The following CCDC171 variants were observed in gnomAD, a reference collection of about 807,000 sequenced individuals.
CCDC171 encodes coiled-coil domain containing 171, also known as coiled-coil domain-containing protein 171.
In CCDC171, 177 loss-of-function variants were observed where a neutral mutation model predicts 168.2. The ratio of observed to expected loss-of-function variants is 1.05; its 90% CI spans 0.93 to 1.19. The LOEUF (loss-of-function observed/expected upper bound fraction) is 1.19, where lower values mean the gene tolerates loss of function less well. CCDC171 is among the 50% of genes most tolerant of loss of function. The pLI is 0.00. For missense variants in CCDC171, 1,991 were observed against 1,539.0 expected, an observed-to-expected ratio of 1.29 and a Z score of -4.91; for synonymous variants, 687 against 540.8, an observed-to-expected ratio of 1.27 and a Z score of -3.75.
rs375013546 is a variant in CCDC171 at position 15,714,239 on chromosome 9, A to G, written c.1319-7530A>G. Among the ~76,000 whole-genome samples, 5 of 152,138 alleles carry G rather than the reference A, an allele frequency of 3.3e-5. 1 individual carries two copies. Among genetic ancestry groups the G allele is most frequent in the African/African-American group, 2.4e-5 (1 of 41,524 alleles). On this transcript the variant is annotated intron_variant, in intron 11 of 25. Coordinates refer to ENST00000380701, the MANE Select transcript of CCDC171 (RefSeq NM_173550.4). ...TGCCAGGAGTGTGGCATTACTTTCA[A>G]TTTGTGTTTTGGTAGGTAAAAGTTC... is the stretch of plus-strand genomic sequence containing the variant.
At chr9:15,775,078 C>T (rs2057240275) in intron 18 of CCDC171, among the ~76,000 whole-genome samples, 1 of 148,414 alleles carries the variant, frequency 6.7e-6, no homozygotes, top group Non-Finnish European at 1.5e-5. Flanking sequence ...AACCAAACAC[C>T]ACCTGTTCCT....
chr9:15,787,052 A>C (rs1449355095), intron 21 of CCDC171, among the ~76,000 whole-genome samples: 1 of 152,122 alleles, frequency 6.6e-6, no homozygotes, highest in African/African-American at 2.4e-5. Flanking sequence ...GACACGCGTG[A>C]CAGTATCATC....
chr9:15,618,041 G>A (rs1053402804), intron 6 of CCDC171, among the ~76,000 whole-genome samples: 6 of 152,194 alleles, frequency 3.9e-5, no homozygotes, highest in African/African-American at 1.4e-4. Context: ...GCTGTGCTGG[G>A]AGAATCCCCC....
At chr9:16,059,726 G>GGATGGTCTCGATCGCCTGACCTCAT (rs1162192035) in intron 1 of CCDC171, among the ~76,000 whole-genome samples, 1 of 150,840 alleles carries the variant, frequency 6.6e-6, no homozygotes, top group Admixed American at 6.6e-5. Context: ...TTGTTAGCCA[G>GGATGGTCTCGATCGCCTGACCTCAT]GATGGTCTCG....
intron 21 of CCDC171, among the ~76,000 whole-genome samples, chr9:15,819,922 T>C (rs1381287937): frequency 1.7e-5 from 2 of 117,406 alleles, no homozygotes; most frequent in African/African-American, 6.4e-5. Context: ...TATTCCAAAA[T>C]TGACCACATA....
intron 24 of CCDC171, among the ~76,000 whole-genome samples, chr9:15,917,271 G>A (rs1163342213): frequency 6.6e-6 from 1 of 151,816 alleles, no homozygotes; most frequent in African/African-American, 2.4e-5. Flanking sequence ...CAGTTTTGAA[G>A]GAGACTTTTG....
At chr9:15,937,821 T>A (rs1296245974) in intron 25 of CCDC171, among the ~76,000 whole-genome samples, 1 of 151,978 alleles carries the variant, frequency 6.6e-6, no homozygotes, top group Non-Finnish European at 1.5e-5. Context: ...CTTTTTCTAC[T>A]GGGTAAACTC....
intron 21 of CCDC171, among the ~76,000 whole-genome samples, chr9:15,804,090 G>C (rs963509378): frequency 6.6e-6 from 1 of 152,136 alleles, no homozygotes; most frequent in Non-Finnish European, 1.5e-5. Flanking sequence ...TGTATCCTGA[G>C]ACTTTGCTGA....
chr9:16,044,444 T>C (rs117258259), intron 1 of CCDC171, among the ~76,000 whole-genome samples: 2,138 of 151,708 alleles, frequency 0.014, 20 homozygotes, highest in South Asian at 0.029. Context: ...TTTCTTTTAA[T>C]GGCTTGTCAA....
chr9:15,986,023 A>G (rs1333878611), intron 3 of CCDC171, among the ~76,000 whole-genome samples: 1 of 152,226 alleles, frequency 6.6e-6, no homozygotes, highest in African/African-American at 2.4e-5. Context: ...AATGATGAAC[A>G]AGAAGGCATA....
At chr9:15,974,337 G>T (rs1468124842), downstream of CCDC171, among the ~76,000 whole-genome samples, 1 of 152,160 alleles carries the variant, frequency 6.6e-6, no homozygotes, top group African/African-American at 2.4e-5. Context: ...AAGCACCTTA[G>T]TGACCAATTG....
At chr9:15,721,082 A>C (rs1197512947) in intron 11 of CCDC171, among the ~76,000 whole-genome samples, 2 of 152,226 alleles carry the variant, frequency 1.3e-5, no homozygotes, top group African/African-American at 4.8e-5. Flanking sequence ...CAACTAAATT[A>C]AAGTAGTTTG....
chr9:16,041,030 G>A (rs916800961), upstream of CCDC171, among the ~76,000 whole-genome samples: 1 of 150,904 alleles, frequency 6.6e-6, no homozygotes, highest in African/African-American at 2.5e-5. Context: ...TACTGTGTGT[G>A]TAGCTAACTC....
rs56239417 is a variant in CCDC171, at chr9:15,774,246, T to TAA, written c.2672-3324_2672-3323dup. 5.0e-3 allele frequency among the ~76,000 whole-genome samples: 189 copies of TAA among 38,020 alleles called. 1 individual carries two copies. The highest frequency in any genetic ancestry group is 0.029 in the Middle Eastern group (1 of 34). The allele number at this position is 38,020 out of a possible 152,430, so 24.9% of individuals were successfully genotyped here. A position where few individuals can be genotyped will look rare whatever the true frequency, so the allele number is the denominator to read the frequency against. ...GGGTGACAGAGCAAGACGCTGTCTTTAAAAAAAAAAAAAAAAAAAAAAAAA... is the reference window on the plus strand; with the variant it reads ...GGGTGACAGAGCAAGACGCTGTCTTTAAAAAAAAAAAAAAAAAAAAAAAAAAA... On this transcript the variant is annotated intron_variant, in intron 18 of 25. Transcript: ENST00000380701.
At chr9:15,554,389 G>C (rs1014198338) in intron 1 of CCDC171, among the ~76,000 whole-genome samples, 2 of 152,138 alleles carry the variant, frequency 1.3e-5, no homozygotes, top group Admixed American at 6.5e-5. Context: ...AGATGAACAT[G>C]GTTTTTCATA....
At chr9:15,836,458 C>T (rs1174653756) in intron 21 of CCDC171, among the ~76,000 whole-genome samples, 1 of 152,098 alleles carries the variant, frequency 6.6e-6, no homozygotes, top group African/African-American at 2.4e-5. Context: ...CTCCGCCTCC[C>T]GGGTTCACGC....
intron 3 of CCDC171, among the ~76,000 whole-genome samples, chr9:15,986,407 TA>T (rs1249660915): frequency 1.3e-5 from 2 of 152,204 alleles, no homozygotes; most frequent in South Asian, 2.1e-4. Flanking sequence ...AGGGATGCCA[TA>T]AGACACTTAA....
At chr9:15,830,942 AC>A (rs1380641233) in intron 21 of CCDC171, among the ~76,000 whole-genome samples, 1 of 141,212 alleles carries the variant, frequency 7.1e-6, no homozygotes, top group East Asian at 2.0e-4. Flanking sequence ...GGCTTTTTCT[AC>A]CTCTTTTCTT....
intron 7 of CCDC171, among the ~76,000 whole-genome samples, chr9:15,652,658 C>G (rs1299718266): frequency 6.6e-6 from 1 of 152,138 alleles, no homozygotes; most frequent in African/African-American, 2.4e-5. Context: ...CCAGGCTGGT[C>G]TTGAACTTCT....
Sources: allele counts gnomAD v4.1 joint callset (sites outside exome capture counted in the v4.1 genomes callset), GRCh38; gene constraint gnomAD v4.1.1; transcripts MANE v1.5; gene names NCBI Gene and HGNC (gene_info 2026-07-23, HGNC 2026-07-21).